Variants in ZDHHC5 observed in about 807,000 individuals in gnomAD.
ZDHHC5 encodes palmitoyltransferase ZDHHC5.
ZDHHC5 carries 22 observed loss-of-function variants against 70.0 expected under a neutral mutation model. The observed-to-expected ratio is 0.31, with a 90% confidence interval of 0.22 to 0.45. The LOEUF is 0.45. Ranked by LOEUF, ZDHHC5 falls within the 20% of genes least tolerant of loss-of-function variation. The pLI is 1.00. For missense variants in ZDHHC5, 746 were observed against 926.9 expected, an observed-to-expected ratio of 0.80 and a Z score of 2.53; for synonymous variants, 313 against 347.8, an observed-to-expected ratio of 0.90 and a Z score of 1.11.
At chr11:57,674,564 G>A (rs1233308586) in intron 2 of ZDHHC5, among the ~76,000 whole-genome samples, 1 of 152,156 alleles carries the variant, frequency 6.6e-6, no homozygotes. Flanking sequence ...GAAAGAGGAA[G>A]AAGTGAATTG....
intron 3 of ZDHHC5, among the ~76,000 whole-genome samples, chr11:57,686,420 A>G (rs1012512979): frequency 2.0e-5 from 3 of 152,002 alleles, no homozygotes; most frequent in African/African-American, 4.8e-5. Flanking sequence ...GGTTCAAGCA[A>G]TTATTCTACC....
At chr11:57,674,548 T>TTGC (rs1419484822) in intron 2 of ZDHHC5, among the ~76,000 whole-genome samples, 1 of 152,012 alleles carries the variant, frequency 6.6e-6, no homozygotes, top group African/African-American at 2.4e-5. Flanking sequence ...CAACATGAGG[T>TTGC]TGCTGGAAAG....
At position 57,700,897 on chromosome 11, in the gene ZDHHC5, A is replaced by G. The variant is rs564608565; in HGVS notation, c.*866A>G. 1.2e-4 allele frequency: 19 copies of G among 152,750 alleles called. No homozygotes were observed. The highest frequency in any genetic ancestry group is 4.6e-4 in the African/African-American group (19 of 41,560). The allele number at this position is 152,750 out of a possible 1,614,324, so 9.5% of individuals were successfully genotyped here. ...GAGCCTCCCCTAGCTTACACAGTTA[A>G]CTTGATTTTAAAATCCAAGGCCAGG... On this transcript the variant is annotated 3_prime_UTR_variant, in exon 12 of 12. Coordinates refer to ENST00000287169, the MANE Select transcript of ZDHHC5 (RefSeq NM_015457.3).
Position 57,672,402 on chromosome 11 carries a change from AAATT to A in ZDHHC5, c.-686_-683del. The stretch of plus-strand genomic sequence containing the variant: ...CAGCTTTAGCCATCAAGAGAGAAAT[AAATT>A]AAACCACCATTGCCAGACTACAAGC... On this transcript the variant is annotated 5_prime_UTR_variant, in exon 2 of 12. Transcript: ENST00000287169. The A allele has an allele frequency of 2.5e-6, 1 of 393,088 alleles. No homozygotes were observed. 24.4% of individuals were successfully genotyped at this position (393,088 alleles called of 1,614,324 possible).
At position 57,682,521 on chromosome 11, in the gene ZDHHC5, G is replaced by A; in HGVS notation, c.204G>A (p.Met68Ile). The A allele has an allele frequency of 6.2e-7, 1 of 1,614,060 alleles. No homozygotes were observed. The highest frequency in any genetic ancestry group is 8.5e-7 in the Non-Finnish European group (1 of 1,179,982). Residue 68 changes from methionine to isoleucine, a missense_variant, in exon 3 of 12, where the codon ATG becomes ATA. Met to Ile is a conservative substitution (Grantham distance 10). Coordinates refer to ENST00000287169, the MANE Select transcript of ZDHHC5 (RefSeq NM_015457.3). ...VLANFSMATF[M>I]DPGIFPRAEE... ...CCAACTTCAGCATGGCCACCTTCATGGACCCAGGGATTTTCCCTCGAGGTA... is the reference window on the plus strand; with the variant it reads ...CCAACTTCAGCATGGCCACCTTCATAGACCCAGGGATTTTCCCTCGAGGTA...
rs1041012361 is a variant in ZDHHC5, at chr11:57,688,602, C to T, written c.321C>T (p.Ala107=). Reference sequence around the variant, plus strand: ...TCCAGGTGCGCATGAAATGGTGTGCCACCTGCCGCTTTTACCGTCCCCCTC... The same window carrying T: ...TCCAGGTGCGCATGAAATGGTGTGCTACCTGCCGCTTTTACCGTCCCCCTC... ...KGIQVRMKWC[A]TCRFYRPPRC... is the part of the protein sequence containing the mutation. The change falls in exon 4 of 12, where the codon GCC becomes GCT. Residue 107 remains alanine (A), a synonymous_variant. Transcript: ENST00000287169. The T allele has an allele frequency of 1.2e-6, 2 of 1,609,906 alleles. No homozygotes were observed. The highest frequency in any genetic ancestry group is 2.7e-5 in the African/African-American group (2 of 74,784).
At chr11:57,679,843 T>C (rs1242212164) in intron 2 of ZDHHC5, among the ~76,000 whole-genome samples, 1 of 152,128 alleles carries the variant, frequency 6.6e-6, no homozygotes, top group Non-Finnish European at 1.5e-5. Context: ...GGTGTTCCCT[T>C]ATAGTGCTGA....
chr11:57,693,975 C>A, intron 8 of ZDHHC5, 60 bp downstream of exon 8: 2 of 1,521,696 alleles, frequency 1.3e-6, no homozygotes, highest in Middle Eastern at 1.8e-4. Context: ...GGCAAAGAGA[C>A]GGAAGCTTGC....
chr11:57,692,601 C>T lies in ZDHHC5; in HGVS notation c.661-10C>T, dbSNP rs1436503213. On this transcript the variant is annotated splice_polypyrimidine_tract_variant and intron_variant, in intron 6 of 11. Coordinates refer to ENST00000287169, the MANE Select transcript of ZDHHC5 (RefSeq NM_015457.3). The stretch of plus-strand genomic sequence containing the variant: ...CATCTTCTAACCTGGTATTTTTTTT[C>T]TCCCTCTAGGTTACGGGTAAATTCC... 5 of 1,608,540 alleles carry T rather than the reference C, an allele frequency of 3.1e-6. No homozygotes were observed. The highest frequency in any genetic ancestry group is 1.3e-5 in the African/African-American group (1 of 74,530).
chr11:57,680,238 G>C (rs186758106), intron 2 of ZDHHC5, among the ~76,000 whole-genome samples: 23 of 152,158 alleles, frequency 1.5e-4, no homozygotes, highest in African/African-American at 5.5e-4. Context: ...TTAGCCGGGC[G>C]TGGTGGTGTG....
In ZDHHC5 at chr11:57,678,334, G is replaced by T. The variant is rs566362493; in HGVS notation, c.105-4088G>T. 7.2e-5 allele frequency among the ~76,000 whole-genome samples: 11 copies of T among 152,194 alleles called. No homozygotes were observed. In the South Asian group the frequency reaches 2.3e-3, roughly 32 times the overall value. On this transcript the variant is annotated intron_variant, in intron 2 of 11. Transcript: ENST00000287169. The stretch of plus-strand genomic sequence containing the variant: ...AAAAAGAATTCTAGCACTTTGGGAG[G>T]CTGAGACAGGCAGATCAGGAGGTCA...
At position 57,700,236 on chromosome 11, in the gene ZDHHC5, C is replaced by A. The variant is rs751150913; in HGVS notation, c.*205C>A. The stretch of plus-strand genomic sequence containing the variant: ...CCCTGAGACTGGGGTAGCAACCCCC[C>A]CTTTTATCTTTTAAGACCTTCCCTT... On this transcript the variant is annotated 3_prime_UTR_variant, in exon 12 of 12. Transcript: ENST00000287169. 1.3e-5 allele frequency: 7 copies of A among 527,860 alleles called. No homozygotes were observed. Among genetic ancestry groups the A allele is most frequent in the South Asian group, 4.0e-5 (1 of 25,140 alleles). 32.7% of individuals were successfully genotyped at this position (527,860 alleles called of 1,614,324 possible).
intron 3 of ZDHHC5, among the ~76,000 whole-genome samples, chr11:57,687,831 C>T (rs1450773162): frequency 5.6e-5 from 7 of 124,290 alleles, no homozygotes; most frequent in African/African-American, 1.6e-4. Flanking sequence ...AGTGCAGTGG[C>T]GTGATCTCAG....
chr11:57,697,798 C>A (rs1221290842), intron 10 of ZDHHC5, among the ~76,000 whole-genome samples: 11 of 145,030 alleles, frequency 7.6e-5, no homozygotes, highest in Non-Finnish European at 1.5e-4. Flanking sequence ...CTGCTGTATT[C>A]CAGTCTGGTG....
At chr11:57,678,543 C>T (rs1001048097) in intron 2 of ZDHHC5, among the ~76,000 whole-genome samples, 2 of 146,172 alleles carry the variant, frequency 1.4e-5, no homozygotes, top group Non-Finnish European at 3.0e-5. Flanking sequence ...TGCACTCCAG[C>T]CTGGGTGACA....
At chr11:57,668,897 T>C (rs1468195895) in intron 1 of ZDHHC5, among the ~76,000 whole-genome samples, 15 of 152,210 alleles carry the variant, frequency 9.9e-5, no homozygotes, top group Admixed American at 9.8e-4. Flanking sequence ...AACACTGAAA[T>C]AAGAAGTAAG....
intron 3 of ZDHHC5, among the ~76,000 whole-genome samples, chr11:57,685,604 G>T (rs966184332): frequency 1.3e-5 from 2 of 152,144 alleles, no homozygotes; most frequent in Non-Finnish European, 2.9e-5. Flanking sequence ...AGCCGAGATT[G>T]CCCCATTGCA....
At chr11:57,699,495 G>A (rs1946411687) in intron 11 of ZDHHC5, 77 bp downstream of exon 11, 1 of 1,506,256 alleles carries the variant, frequency 6.6e-7, no homozygotes, top group South Asian at 1.4e-5. Flanking sequence ...CAGGGCTTCT[G>A]TTGTACATCC....
chr11:57,697,508 G>C (rs1446021991), intron 10 of ZDHHC5, among the ~76,000 whole-genome samples: 4 of 149,996 alleles, frequency 2.7e-5, no homozygotes, highest in Admixed American at 2.0e-4. Flanking sequence ...TGGGCGTGGT[G>C]GGGGGGCACC....
Sources: allele counts gnomAD v4.1 joint callset (sites outside exome capture counted in the v4.1 genomes callset), GRCh38; gene constraint gnomAD v4.1.1; transcripts MANE v1.5; gene names NCBI Gene and HGNC (gene_info 2026-07-23, HGNC 2026-07-21).